The following DDX31 variants were observed in gnomAD, a reference collection of about 807,000 sequenced individuals.
The protein encoded by DDX31 is DEAD-box helicase 31, also known as ATP-dependent DNA helicase DDX31.
Under a neutral mutation model 91.3 loss-of-function variants are expected in DDX31, and 70 were observed. The ratio of observed to expected loss-of-function variants is 0.77; its 90% CI spans 0.63 to 0.94. The LOEUF is 0.94. Ranked by LOEUF, DDX31 falls within the 40% of genes least tolerant of loss-of-function variation. DDX31 has a pLI of 0.00. For synonymous variants in DDX31, 362 were observed against 350.6 expected (o/e 1.03, Z -0.36); for missense variants, 902 against 925.0 (o/e 0.98, Z 0.32).
chr9:132,646,995 C>A lies in DDX31; in HGVS notation c.1031G>T (p.Ser344Ile). Reference protein sequence around the residue: ...DPVSISVLDKSHDQLNPKDKA... With the variant: ...DPVSISVLDKIHDQLNPKDKA... ...GTCCTTTGGGTTCAACTGGTCATGG[C>A]TCTTGTCCAGGACAGAAATACTGAC... is the stretch of plus-strand genomic sequence containing the variant. The change falls in exon 12 of 20, where the codon AGC becomes ATC. Residue 344 changes from serine to isoleucine, a missense_variant. Ser to Ile is a moderately radical substitution (Grantham distance 142). Transcript: ENST00000372159. 1.2e-6 allele frequency: 2 copies of A among 1,614,236 alleles called. No homozygotes were observed. Among genetic ancestry groups the A allele is most frequent in the Non-Finnish European group, 1.7e-6 (2 of 1,180,042 alleles).
At position 132,594,472 on chromosome 9, in the gene DDX31, A is replaced by ACTGAT. The variant is rs1445524349; in HGVS notation, c.*393_*394insATCAG. ...ATGTATGCGCTGATAGGCTGAAGCC[A>ACTGAT]AGCTGTGAAACTTCAGAACACAGTT... On this transcript the variant is annotated 3_prime_UTR_variant, in exon 20 of 20. Coordinates refer to ENST00000372159, the MANE Select transcript of DDX31 (RefSeq NM_022779.9). 1 of 177,892 alleles carries ACTGAT rather than the reference A, an allele frequency of 5.6e-6. No homozygotes were observed. The highest frequency in any genetic ancestry group is 1.2e-5 in the Non-Finnish European group (1 of 83,358). The allele number at this position is 177,892 out of a possible 1,614,324, so 11.0% of individuals were successfully genotyped here. A position where few individuals can be genotyped will look rare whatever the true frequency, so the allele number is the denominator to read the frequency against.
chr9:132,669,263 C>CA (rs910813034), intron 1 of DDX31, among the ~76,000 whole-genome samples: 14 of 140,502 alleles, frequency 1.0e-4, no homozygotes, highest in Non-Finnish European at 1.4e-4. Context: ...CCCGCCCCCC[C>CA]CAAAGAACAG....
intron 1 of DDX31, among the ~76,000 whole-genome samples, chr9:132,664,536 C>T (rs943320416): frequency 1.3e-5 from 2 of 151,988 alleles, no homozygotes; most frequent in African/African-American, 4.8e-5. Context: ...TGGTGAAACC[C>T]TGTCTCTACA....
intron 11 of DDX31, 131 bp from the exon 12 acceptor site, chr9:132,647,189 TC>T: frequency 1.3e-6 from 1 of 758,930 alleles, no homozygotes; most frequent in Non-Finnish European, 2.2e-6. Context: ...TATCACCAAG[TC>T]CCAGCACTGA....
intron 16 of DDX31, among the ~76,000 whole-genome samples, chr9:132,628,874 T>C (rs1399072196): frequency 1.3e-5 from 2 of 152,266 alleles, no homozygotes; most frequent in African/African-American, 2.4e-5. Flanking sequence ...ATTCTGAAGA[T>C]GCTTTCTGCA....
Position 132,598,957 on chromosome 9 carries a change from C to CT in DDX31, c.1995-3846dup, listed in dbSNP as rs1441682555. ...CCACAACGGTCACTGAACAGTAACT[C>CT]TTTTCCCCAAGGTCTTGAAACGCTC... On this transcript the variant is annotated intron_variant, in intron 19 of 19. Transcript: ENST00000372159. Among the ~76,000 whole-genome samples, 8 of 152,346 alleles carry CT rather than the reference C, an allele frequency of 5.3e-5. No individual in the cohort carries two copies. The East Asian group carries it at 1.5e-3, about 29-fold the overall frequency.
Position 132,663,483 on chromosome 9 carries a change from T to C in DDX31, c.76-788A>G, listed in dbSNP as rs1447132851. ...TTGCTTCTTATTTCCATTACAGGAA[T>C]GTGCTTAAATGCATGATGTCCAAAC... On this transcript the variant is annotated intron_variant, in intron 1 of 19. Transcript: ENST00000372159. The C allele has an allele frequency of 6.1e-6, 6 of 985,338 alleles. No homozygotes were observed. In the Admixed American group the frequency reaches 3.7e-4, roughly 61 times the overall value. The allele number at this position is 985,338 out of a possible 1,614,324, so 61.0% of individuals were successfully genotyped here. A position where few individuals can be genotyped will look rare whatever the true frequency, so the allele number is the denominator to read the frequency against.
At chr9:132,606,402 C>T (rs1831026847) in intron 19 of DDX31, among the ~76,000 whole-genome samples, 1 of 152,166 alleles carries the variant, frequency 6.6e-6, no homozygotes, top group Admixed American at 6.5e-5. Flanking sequence ...GACTCGGTTC[C>T]ATGTTTCCAA....
chr9:132,602,663 AAAG>A, intron 19 of DDX31, among the ~76,000 whole-genome samples: 1 of 152,326 alleles, frequency 6.6e-6, no homozygotes, highest in South Asian at 2.1e-4. Flanking sequence ...TGATTTCCCC[AAAG>A]AATAGAAAAC....
intron 18 of DDX31, 131 bp from the exon 19 acceptor site, chr9:132,612,386 A>G: frequency 1.0e-6 from 1 of 993,752 alleles, no homozygotes; most frequent in Non-Finnish European, 1.5e-6. Flanking sequence ...CAATTACAAC[A>G]TATACAAACA....
At chr9:132,647,217 C>T (rs1196434271) in intron 11 of DDX31, among the ~76,000 whole-genome samples, 159 bp from the exon 12 acceptor site, 7 of 152,040 alleles carry the variant, frequency 4.6e-5, no homozygotes, top group Non-Finnish European at 1.0e-4. Flanking sequence ...CTAGTGCCAA[C>T]GTGTGTGTTG....
In DDX31 at chr9:132,594,903, C is replaced by G. The variant is rs752287250; in HGVS notation, c.2204G>C (p.Gly735Ala). Reference protein sequence around the residue: ...KTLKWRKTQKGVQRDSKTSQK... With the variant: ...KTLKWRKTQKAVQRDSKTSQK... ...GGAAGTCTTGCTGTCCCGCTGTACA[C>G]CTTTTTGGGTTTTTCTCCATTTTAA... Residue 735 changes from glycine (G) to alanine (A), a missense_variant, in exon 20 of 20, where the codon GGT becomes GCT. Physicochemically the swap from Gly to Ala is moderately conservative, Grantham distance 60. Transcript: ENST00000372159. The G allele has an allele frequency of 4.3e-6, 7 of 1,614,070 alleles. No individual in the cohort carries two copies. The African/African-American group carries it at 5.3e-5, about 12-fold the overall frequency.
intron 19 of DDX31, among the ~76,000 whole-genome samples, chr9:132,596,844 AGTAGGGAGTG>A (rs1564269218): frequency 6.6e-6 from 1 of 152,026 alleles, no homozygotes; most frequent in East Asian, 1.9e-4. Context: ...CAGGCAAGTG[AGTAGGGAGTG>A]GTGAGGGGAG....
chr9:132,616,427 T>C (rs1003913345), intron 18 of DDX31, among the ~76,000 whole-genome samples: 5 of 152,230 alleles, frequency 3.3e-5, no homozygotes, highest in African/African-American at 1.2e-4. Context: ...TAAGAATTAC[T>C]GTAACTTCCA....
intron 14 of DDX31, among the ~76,000 whole-genome samples, chr9:132,637,082 T>G (rs1445067022): frequency 6.6e-6 from 1 of 152,168 alleles, no homozygotes; most frequent in Non-Finnish European, 1.5e-5. Context: ...ATCATGGCAA[T>G]TAGGCAGAGA....
intron 5 of DDX31, among the ~76,000 whole-genome samples, chr9:132,659,395 A>G (rs1465686075): frequency 6.6e-6 from 1 of 152,254 alleles, no homozygotes; most frequent in East Asian, 1.9e-4. Flanking sequence ...TAACACCAGA[A>G]GAAGACATTC....
intron 17 of DDX31, among the ~76,000 whole-genome samples, chr9:132,619,119 A>G (rs1831830989): frequency 6.6e-6 from 1 of 152,358 alleles, no homozygotes; most frequent in African/African-American, 2.4e-5. Flanking sequence ...GTGTGCATGC[A>G]AAGAGCCTAC....
intron 15 of DDX31, among the ~76,000 whole-genome samples, chr9:132,631,778 T>C (rs899877418): frequency 3.3e-5 from 5 of 152,134 alleles, no homozygotes; most frequent in African/African-American, 1.2e-4. Flanking sequence ...AAATTTTGGT[T>C]TGTGACACGA....
intron 6 of DDX31, 165 bp downstream of exon 6, chr9:132,658,504 GCA>G (rs1564335931): frequency 2.9e-6 from 2 of 683,522 alleles, no homozygotes; most frequent in Admixed American, 2.4e-5. Flanking sequence ...TCTACTCTAG[GCA>G]CAGTCTCTAG....
Sources: gnomAD v4.1 joint callset for allele counts (sites outside exome capture counted in the v4.1 genomes callset) on GRCh38, gnomAD v4.1.1 for gene constraint, MANE v1.5 for transcripts, NCBI Gene and HGNC (gene_info 2026-07-23, HGNC 2026-07-21) for gene names.